Variants in AFF2 observed in about 807,000 individuals in gnomAD.
The protein encoded by AFF2 is ALF transcription elongation factor 2, also known as AF4/FMR2 family member 2.
Under a neutral mutation model 76.9 loss-of-function variants are expected in AFF2, and 14 were observed. That is an observed-to-expected ratio of 0.18 (90% confidence interval 0.12 to 0.28). The LOEUF (loss-of-function observed/expected upper bound fraction) is 0.28. Among genes scored for constraint, AFF2 ranks in the 10% least tolerant of loss-of-function variants. AFF2 has a pLI of 1.00. For synonymous variants in AFF2, 398 were observed against 366.7 expected, an observed-to-expected ratio of 1.09 and a Z score of -0.98; for missense variants, 868 against 1,001.1, an observed-to-expected ratio of 0.87 and a Z score of 1.79.
intron 4 of AFF2, among the ~76,000 whole-genome samples, chrX:148,832,390 C>T (rs781910803): frequency 4.4e-5 from 5 of 112,362 alleles, no homozygotes; most frequent in African/African-American, 1.6e-4. Flanking sequence ...CAGCTATTCA[C>T]GCTTATTCTT....
intron 7 of AFF2, 106 bp from the exon 8 acceptor site, chrX:148,885,783 G>A (rs2071151104): frequency 3.0e-6 from 2 of 670,714 alleles, no homozygotes; most frequent in Non-Finnish European, 2.4e-6. Context: ...AGGATTTGCA[G>A]CTGTCAGATT....
intron 9 of AFF2, among the ~76,000 whole-genome samples, chrX:148,933,516 C>T (rs2071738002): frequency 9.0e-6 from 1 of 111,377 alleles, no homozygotes; most frequent in Non-Finnish European, 1.9e-5. Flanking sequence ...TTACCATAAG[C>T]CAAATGAGAA....
At chrX:148,703,809 A>C (rs2054831393) in intron 3 of AFF2, among the ~76,000 whole-genome samples, 1 of 111,234 alleles carries the variant, frequency 9.0e-6, no homozygotes, top group Non-Finnish European at 1.9e-5. Context: ...ATAGTAAAAA[A>C]CCCACTAATT....
At chrX:148,835,853 C>T (rs2070518105) in intron 4 of AFF2, among the ~76,000 whole-genome samples, 1 of 110,810 alleles carries the variant, frequency 9.0e-6, no homozygotes, top group Non-Finnish European at 1.9e-5. Context: ...TACATTATTA[C>T]TATTAATAAC....
intron 3 of AFF2, among the ~76,000 whole-genome samples, chrX:148,795,827 AAAAAAATATAT>A (rs2069966285): frequency 8.0e-5 from 3 of 37,418 alleles, no homozygotes; most frequent in Admixed American, 3.3e-4. Flanking sequence ...AAAAAAAAAA[AAAAAAATATAT>A]ATATATATAT....
At chrX:148,907,626 G>A (rs1448318100) in intron 9 of AFF2, among the ~76,000 whole-genome samples, 2 of 111,648 alleles carry the variant, frequency 1.8e-5, no homozygotes, top group African/African-American at 6.5e-5. Flanking sequence ...TACGAATAGA[G>A]TGTGGGTGAC....
At chrX:148,916,424 A>G (rs1281274366) in intron 9 of AFF2, among the ~76,000 whole-genome samples, 1 of 107,893 alleles carries the variant, frequency 9.3e-6, no homozygotes, top group Non-Finnish European at 1.9e-5. Context: ...ATTAGCCAGG[A>G]TGGTCTCGAT....
intron 7 of AFF2, among the ~76,000 whole-genome samples, chrX:148,879,777 G>GAA (rs143500934): frequency 0.066 from 6,808 of 102,630 alleles, 210 homozygotes; most frequent in Non-Finnish European, 0.079. Flanking sequence ...ATTTAAAAAT[G>GAA]AAAAAAAAAA....
intron 3 of AFF2, among the ~76,000 whole-genome samples, chrX:148,761,499 A>G (rs376741642): frequency 1.5e-4 from 15 of 97,233 alleles, no homozygotes; most frequent in African/African-American, 5.2e-4. Flanking sequence ...AACTTGGCCC[A>G]TTATTTTGCC....
chrX:148,701,265 C>T (rs1471799389), intron 3 of AFF2, among the ~76,000 whole-genome samples: 2 of 111,620 alleles, frequency 1.8e-5, no homozygotes, highest in African/African-American at 3.3e-5. Flanking sequence ...TGAGCACAAG[C>T]TTATGTGTGG....
chrX:148,884,882 G>A (rs1557278895), intron 7 of AFF2, among the ~76,000 whole-genome samples: 2 of 112,022 alleles, frequency 1.8e-5, no homozygotes, highest in African/African-American at 6.5e-5. Context: ...AGGATTTCCA[G>A]AGTTAAGAAA....
intron 1 of AFF2, among the ~76,000 whole-genome samples, chrX:148,535,766 T>C: frequency 9.0e-6 from 1 of 111,674 alleles, no homozygotes; most frequent in East Asian, 2.8e-4. Context: ...ACTGTCATGG[T>C]GGTTCTCTGC....
intron 3 of AFF2, among the ~76,000 whole-genome samples, chrX:148,702,309 A>G (rs1174235655): frequency 1.8e-5 from 2 of 111,981 alleles, no homozygotes; most frequent in African/African-American, 6.5e-5. Context: ...CTTGTCAGAA[A>G]TATTGAGTAA....
At chrX:148,952,148 A>G (rs1557286680) in intron 9 of AFF2, among the ~76,000 whole-genome samples, 1 of 111,303 alleles carries the variant, frequency 9.0e-6, no homozygotes, top group Non-Finnish European at 1.9e-5. Context: ...TCAGTGAGTG[A>G]GAGTTGTAAT....
intron 9 of AFF2, among the ~76,000 whole-genome samples, chrX:148,923,531 C>T (rs1235344186): frequency 3.6e-5 from 4 of 110,116 alleles, no homozygotes; most frequent in Non-Finnish European, 5.7e-5. Context: ...AATTTTGAAA[C>T]GGAAAGATAC....
chrX:148,587,367 G>A (rs2053478854), intron 1 of AFF2, among the ~76,000 whole-genome samples: 1 of 112,157 alleles, frequency 8.9e-6, no homozygotes, highest in Non-Finnish European at 1.9e-5. Flanking sequence ...TACTCATGAT[G>A]AAAAAGCATG....
intron 4 of AFF2, among the ~76,000 whole-genome samples, chrX:148,831,849 T>A (rs2070458083): frequency 8.9e-6 from 1 of 111,799 alleles, no homozygotes; most frequent in African/African-American, 3.3e-5. Context: ...ATACAAAGGG[T>A]CTAAATCATT....
chrX:148,977,317 T>C (rs1233165046), intron 16 of AFF2, among the ~76,000 whole-genome samples: 2 of 109,788 alleles, frequency 1.8e-5, no homozygotes, highest in East Asian at 2.9e-4. Context: ...AGACAAAATA[T>C]ACAAGCATCA....
intron 1 of AFF2, among the ~76,000 whole-genome samples, chrX:148,613,064 T>C (rs1465296115): frequency 4.0e-4 from 45 of 111,848 alleles, no homozygotes. Context: ...ATAAGGATTG[T>C]TGTTAGGCTT....
Sources: allele counts gnomAD v4.1 joint callset (sites outside exome capture counted in the v4.1 genomes callset), GRCh38; gene constraint gnomAD v4.1.1; transcripts MANE v1.5; gene names NCBI Gene and HGNC (gene_info 2026-07-23, HGNC 2026-07-21).